Variants in NARS2 observed in about 807,000 individuals in gnomAD.
NARS2 encodes the protein asparaginyl-tRNA synthetase 2, mitochondrial.
In NARS2, 60 loss-of-function variants were observed where a neutral mutation model predicts 62.9. The ratio of observed to expected loss-of-function variants is 0.95; its 90% CI spans 0.77 to 1.18. NARS2 has a LOEUF of 1.18. Ranked by LOEUF, NARS2 falls within the 50% of genes most tolerant of loss-of-function variation. The pLI, the probability that NARS2 is intolerant of heterozygous loss-of-function variation, is 0.00. For synonymous variants in NARS2, 196 were observed against 200.0 expected (o/e 0.98, Z 0.17); for missense variants, 619 against 576.4 (o/e 1.07, Z -0.76).
intron 5 of NARS2, among the ~76,000 whole-genome samples, chr11:78,548,680 G>C (rs562871019): frequency 1.3e-5 from 2 of 152,238 alleles, no homozygotes; most frequent in African/African-American, 4.8e-5. Flanking sequence ...GAGGATCGTG[G>C]TGGTAAAAAG....
At chr11:78,448,066 TGATA>T (rs1311376839) in intron 11 of NARS2, among the ~76,000 whole-genome samples, 2 of 152,262 alleles carry the variant, frequency 1.3e-5, no homozygotes, top group African/African-American at 4.8e-5. Flanking sequence ...ACTATAAAAA[TGATA>T]GATAAGTCAG....
chr11:78,573,760 A>G (rs749838605), intron 1 of NARS2, among the ~76,000 whole-genome samples: 1 of 152,212 alleles, frequency 6.6e-6, no homozygotes, highest in African/African-American at 2.4e-5. Flanking sequence ...ATCTCTTTCC[A>G]TAAGAGGAAA....
chr11:78,502,600 G>A (rs1860322513), intron 6 of NARS2, among the ~76,000 whole-genome samples: 1 of 152,200 alleles, frequency 6.6e-6, no homozygotes, highest in East Asian at 1.9e-4. Context: ...CTTTTGGGGT[G>A]ACGGAAATGT....
chr11:78,563,883 C>CAATATTATTATTATT lies in NARS2; in HGVS notation c.513+2248_513+2249insAATAATAATAATATT, dbSNP rs1453360896. Among the ~76,000 whole-genome samples, 78 of 93,112 alleles carry CAATATTATTATTATT rather than the reference C, an allele frequency of 8.4e-4. 1 individual carries two copies. Among genetic ancestry groups the CAATATTATTATTATT allele is most frequent in the African/African-American group, 3.8e-3 (75 of 19,654 alleles). The allele number at this position is 93,112 out of a possible 152,430, so 61.1% of individuals were successfully genotyped here. ...ATATATATATATGTATACACACACA[C>CAATATTATTATTATT]AGTATTATTATTATTATTATTATTA... On this transcript the variant is annotated intron_variant, in intron 4 of 13. Transcript: ENST00000281038.
chr11:78,539,904 A>G (rs576309282), intron 5 of NARS2, among the ~76,000 whole-genome samples: 2 of 152,212 alleles, frequency 1.3e-5, no homozygotes, highest in Non-Finnish European at 2.9e-5. Flanking sequence ...TCTGATAAAC[A>G]AAGTCATTCC....
At chr11:78,551,710 G>C (rs191586957) in intron 5 of NARS2, among the ~76,000 whole-genome samples, 1,662 of 152,186 alleles carry the variant, frequency 0.011, 26 homozygotes, top group African/African-American at 0.038. Context: ...AATTAGCCGG[G>C]CGTGGTGGCA....
chr11:78,574,273 A>G (rs1256422776), intron 1 of NARS2, 75 bp downstream of exon 1: 1 of 1,592,212 alleles, frequency 6.3e-7, no homozygotes, highest in African/African-American at 1.3e-5. Context: ...CCCGACTGTA[A>G]AAGAAAAGCT....
At chr11:78,452,819 G>C (rs1858019905) in intron 11 of NARS2, among the ~76,000 whole-genome samples, 1 of 152,058 alleles carries the variant, frequency 6.6e-6, no homozygotes, top group African/African-American at 2.4e-5. Context: ...CCAAAAATCA[G>C]CCATAAACTT....
rs1427771795 is a variant in NARS2 at position 78,544,132 on chromosome 11, T to A, written c.595-15196A>T. Among the ~76,000 whole-genome samples the A allele has an allele frequency of 3.3e-5, 5 of 151,570 alleles. No individual in the cohort carries two copies. The South Asian group carries it at 8.4e-4, about 25-fold the overall frequency. ...CTATCTGTCCACCTAAAATACAGCA[T>A]TAGACTTTTAACTGGTTTCTCTTCT... is the stretch of plus-strand genomic sequence containing the variant. On this transcript the variant is annotated intron_variant, in intron 5 of 13. Coordinates refer to ENST00000281038, the MANE Select transcript of NARS2 (RefSeq NM_024678.6).
At chr11:78,459,846 G>A (rs538239685) in intron 11 of NARS2, among the ~76,000 whole-genome samples, 2 of 152,328 alleles carry the variant, frequency 1.3e-5, no homozygotes, top group South Asian at 4.1e-4. Flanking sequence ...AATTACAACT[G>A]TTAAAGGTTA....
intron 5 of NARS2, among the ~76,000 whole-genome samples, chr11:78,535,595 T>C (rs114146833): frequency 0.011 from 1,639 of 152,246 alleles, 34 homozygotes; most frequent in African/African-American, 0.039. Flanking sequence ...GCTTTTAAGA[T>C]ACAGCAGAAA....
chr11:78,445,479 A>C (rs893578309), intron 11 of NARS2, among the ~76,000 whole-genome samples: 2 of 152,038 alleles, frequency 1.3e-5, no homozygotes, highest in Non-Finnish European at 2.9e-5. Flanking sequence ...AAATTAGCCA[A>C]GTGCAGTGGC....
At chr11:78,488,527 G>C in intron 7 of NARS2, among the ~76,000 whole-genome samples, 1 of 152,144 alleles carries the variant, frequency 6.6e-6, no homozygotes, top group East Asian at 1.9e-4. Context: ...AGCAGTGTTG[G>C]ATTTCAGACC....
chr11:78,485,434 G>C (rs1859530542), intron 7 of NARS2, among the ~76,000 whole-genome samples: 1 of 151,910 alleles, frequency 6.6e-6, no homozygotes. Context: ...AGAATACAAA[G>C]AGCAACTACC....
At chr11:78,535,033 A>G (rs1480472072) in intron 5 of NARS2, among the ~76,000 whole-genome samples, 1 of 152,248 alleles carries the variant, frequency 6.6e-6, no homozygotes, top group African/African-American at 2.4e-5. Context: ...CTGAAAGCCT[A>G]AACACAGACT....
chr11:78,503,120 C>T (rs115306929), intron 6 of NARS2, among the ~76,000 whole-genome samples: 168 of 152,098 alleles, frequency 1.1e-3, no homozygotes, highest in African/African-American at 3.9e-3. Context: ...GAAACTGAGG[C>T]TTAGACAAGT....
intron 6 of NARS2, among the ~76,000 whole-genome samples, chr11:78,506,809 G>A (rs953182833): frequency 6.6e-6 from 1 of 152,204 alleles, no homozygotes; most frequent in Non-Finnish European, 1.5e-5. Flanking sequence ...ACAGTGTTGG[G>A]ATTACAGGCA....
intron 6 of NARS2, among the ~76,000 whole-genome samples, chr11:78,501,095 C>T (rs1373630239): frequency 6.6e-6 from 1 of 152,068 alleles, no homozygotes; most frequent in Non-Finnish European, 1.5e-5. Flanking sequence ...CTGTCTCAAA[C>T]ACACATACAC....
chr11:78,555,936 T>C (rs1286434263), intron 5 of NARS2, among the ~76,000 whole-genome samples: 1 of 152,178 alleles, frequency 6.6e-6, no homozygotes, highest in East Asian at 1.9e-4. Context: ...ATTCATTATT[T>C]ACCCAAAGGT....
Sources: allele counts gnomAD v4.1 joint callset (sites outside exome capture counted in the v4.1 genomes callset), GRCh38; gene constraint gnomAD v4.1.1; transcripts MANE v1.5; gene names NCBI Gene and HGNC (gene_info 2026-07-23, HGNC 2026-07-21).